Variants in TLN2 observed in about 807,000 individuals in gnomAD.
The protein encoded by TLN2 is talin-2.
A neutral mutation model predicts 294.7 loss-of-function variants in TLN2; 118 were observed. The ratio of observed to expected loss-of-function variants is 0.40; its 90% CI spans 0.34 to 0.47. TLN2 has a LOEUF of 0.47. Ranked by LOEUF, TLN2 falls within the 20% of genes least tolerant of loss-of-function variation. The pLI is 0.84. For synonymous variants in TLN2, 1,431 were observed against 1,304.5 expected (o/e 1.10, Z -2.09); for missense variants, 3,083 against 3,282.2 (o/e 0.94, Z 1.48).
At chr15:62,630,512 C>T (rs570056196) in intron 3 of TLN2, among the ~76,000 whole-genome samples, 2 of 152,296 alleles carry the variant, frequency 1.3e-5, no homozygotes, top group South Asian at 2.1e-4. Context: ...CCACAGACGT[C>T]GGGATCTCAT....
At chr15:62,833,669 A>T (rs1178921911) in intron 55 of TLN2, 40 bp downstream of exon 55, 1 of 1,599,206 alleles carries the variant, frequency 6.3e-7, no homozygotes, top group African/African-American at 1.3e-5. Flanking sequence ...CACTCAACGT[A>T]CGAGAGCCTC....
At chr15:62,512,668 A>G (rs982748757) in intron 1 of TLN2, among the ~76,000 whole-genome samples, 45 of 152,212 alleles carry the variant, frequency 3.0e-4, no homozygotes, top group African/African-American at 1.0e-3. Flanking sequence ...AGAGCCAACC[A>G]TAAAAAAATT....
chr15:62,538,436 G>A (rs908560188), intron 1 of TLN2, among the ~76,000 whole-genome samples: 5 of 152,048 alleles, frequency 3.3e-5, no homozygotes, highest in African/African-American at 4.8e-5. Context: ...AATTACCCAA[G>A]CCCTCAGAGC....
intron 1 of TLN2, among the ~76,000 whole-genome samples, chr15:62,527,341 T>A (rs553434613): frequency 2.6e-5 from 4 of 152,182 alleles, no homozygotes; most frequent in Non-Finnish European, 5.9e-5. Context: ...CTTGTATTGC[T>A]GAGGCTGGGG....
chr15:62,515,446 C>T (rs911783447), intron 1 of TLN2, among the ~76,000 whole-genome samples: 1 of 152,202 alleles, frequency 6.6e-6, no homozygotes, highest in African/African-American at 2.4e-5. Context: ...TTCTGGCATA[C>T]CTGTGTGCAG....
At position 62,771,084 on chromosome 15, in the gene TLN2, T is replaced by C; in HGVS notation, c.5317T>C (p.Ser1773Pro). ...GGACCAGACCAAGACTCTCGCAGAG[T>C]CTGCCTTGCAGATGTTGTATGCAGC... Reference protein sequence around the residue: ...VLDQTKTLAESALQMLYAAKE... With the variant: ...VLDQTKTLAEPALQMLYAAKE... Residue 1773 changes from serine to proline, a missense_variant, in exon 42 of 59, where the codon TCT (serine) becomes CCT (proline). By Grantham distance (74) the Ser-to-Pro change is moderately conservative. Coordinates refer to ENST00000636159, the MANE Select transcript of TLN2 (RefSeq NM_015059.3). The C allele has an allele frequency of 1.2e-6, 2 of 1,613,130 alleles. No homozygotes were observed. The highest frequency in any genetic ancestry group is 8.5e-7 in the Non-Finnish European group (1 of 1,179,630).
chr15:62,629,123 C>T (rs553629664), intron 3 of TLN2, among the ~76,000 whole-genome samples: 5 of 152,164 alleles, frequency 3.3e-5, no homozygotes, highest in African/African-American at 4.8e-5. Context: ...CTTGAGCCCA[C>T]TTGAGGCTGC....
chr15:62,704,579 G>T (rs28670810), intron 19 of TLN2, among the ~76,000 whole-genome samples: 30 of 152,274 alleles, frequency 2.0e-4, no homozygotes, highest in African/African-American at 6.5e-4. Context: ...TGGGCTATGG[G>T]ACTCATTCAT....
intron 31 of TLN2, among the ~76,000 whole-genome samples, 154 bp downstream of exon 31, chr15:62,739,699 C>T (rs192304796): frequency 1.3e-5 from 2 of 152,298 alleles, no homozygotes; most frequent in African/African-American, 4.8e-5. Flanking sequence ...CTCATGCCCT[C>T]ATGGGAATGG....
chr15:62,730,060 C>CTTG (rs2060638154), intron 28 of TLN2, among the ~76,000 whole-genome samples: 1 of 14,874 alleles, frequency 6.7e-5, no homozygotes, highest in Non-Finnish European at 2.9e-4. Context: ...AATGGAGTCT[C>CTTG]ATGCTGTTGT....
chr15:62,831,066 G>A (rs1045039826), intron 54 of TLN2: 1 of 149,692 alleles, frequency 6.7e-6, no homozygotes, highest in Non-Finnish European at 1.5e-5. Context: ...ACTCCAGGCA[G>A]CGGAAGATGT....
intron 3 of TLN2, among the ~76,000 whole-genome samples, chr15:62,634,284 G>A (rs1474814567): frequency 6.6e-6 from 1 of 152,180 alleles, no homozygotes; most frequent in African/African-American, 2.4e-5. Flanking sequence ...CCAATTCAGG[G>A]AGTTCTTTAG....
At chr15:62,616,307 T>C (rs568705873) in intron 2 of TLN2, among the ~76,000 whole-genome samples, 1 of 152,356 alleles carries the variant, frequency 6.6e-6, no homozygotes, top group African/African-American at 2.4e-5. Flanking sequence ...ATGTCTGTTT[T>C]ATTTGTCCTG....
chr15:62,820,552 C>T lies in TLN2; in HGVS notation c.6944C>T (p.Ala2315Val). ...IAETELLGAAASIEAAAKKLE... is the reference protein window; with the variant it reads ...IAETELLGAAVSIEAAAKKLE... ...GAAACAGAGTTACTGGGGGCTGCAG[C>T]ATCCATCGAAGCTGCTGCTAAGAAG... The change falls in exon 54 of 59, where the codon GCA (alanine) becomes GTA (valine). Residue 2315 changes from alanine (A) to valine (V), a missense_variant. Coordinates refer to ENST00000636159, the MANE Select transcript of TLN2 (RefSeq NM_015059.3). The T allele has an allele frequency of 6.2e-7, 1 of 1,614,032 alleles. No homozygotes were observed. Among genetic ancestry groups the T allele is most frequent in the Non-Finnish European group, 8.5e-7 (1 of 1,179,948 alleles).
At chr15:62,396,594 G>T (rs1472716177) in intron 1 of TLN2, among the ~76,000 whole-genome samples, 3 of 152,168 alleles carry the variant, frequency 2.0e-5, no homozygotes, top group African/African-American at 7.2e-5. Context: ...GCCCCAGGAG[G>T]TGGTGAAAGT....
intron 1 of TLN2, among the ~76,000 whole-genome samples, chr15:62,438,559 A>G (rs2035403572): frequency 1.3e-5 from 2 of 152,176 alleles, no homozygotes; most frequent in South Asian, 2.1e-4. Flanking sequence ...TCGGTGCATA[A>G]TCAGTCAGCC....
At chr15:62,789,196 T>C (rs1249733875) in intron 45 of TLN2, among the ~76,000 whole-genome samples, 1 of 152,174 alleles carries the variant, frequency 6.6e-6, no homozygotes, top group African/African-American at 2.4e-5. Context: ...ACATGCAAGA[T>C]ACCTGTGAGG....
chr15:62,702,908 G>A, intron 19 of TLN2, 44 bp downstream of exon 19: 1 of 1,561,020 alleles, frequency 6.4e-7, no homozygotes, highest in Non-Finnish European at 8.8e-7. Flanking sequence ...AAGTCTAAGT[G>A]ATGGTCTAGA....
At chr15:62,823,991 G>A (rs1369926402) in intron 54 of TLN2, 2 of 530,930 alleles carry the variant, frequency 3.8e-6, no homozygotes, top group Admixed American at 3.9e-5. Context: ...GATATATTAG[G>A]TTGTTATTTA....
Sources: gnomAD v4.1 joint callset for allele counts (sites outside exome capture counted in the v4.1 genomes callset) on GRCh38, gnomAD v4.1.1 for gene constraint, MANE v1.5 for transcripts, NCBI Gene and HGNC (gene_info 2026-07-23, HGNC 2026-07-21) for gene names.